WRN: variants seen among roughly 807,000 people sequenced by gnomAD.
WRN encodes WRN RecQ like helicase.
A neutral mutation model predicts 180.7 loss-of-function variants in WRN; 149 were observed. That is an observed-to-expected ratio of 0.82 (90% CI 0.72 to 0.94). WRN has a LOEUF of 0.94. Ranked by LOEUF, WRN falls within the 40% of genes least tolerant of loss-of-function variation. The pLI is 0.00. For synonymous variants in WRN, 548 were observed against 568.9 expected (o/e 0.96, Z 0.52); for missense variants, 1,661 against 1,700.1 (o/e 0.98, Z 0.40).
Position 31,058,574 on chromosome 8 carries a change from G to A in WRN, c.96+31G>A, listed in dbSNP as rs201284343. The A allele has an allele frequency of 1.2e-5, 19 of 1,599,114 alleles. No individual in the cohort carries two copies. The African/African-American group carries it at 2.3e-4, about 19-fold the overall frequency. ...TTGTTCATTGACTATTCTTTTGGGT[G>A]AGAAATTTAATTTATATTTGACTGT... On this transcript the variant is annotated intron_variant, in intron 2 of 34. Coordinates refer to ENST00000298139, the MANE Select transcript of WRN (RefSeq NM_000553.6).
intron 8 of WRN, among the ~76,000 whole-genome samples, chr8:31,076,747 G>GATT (rs1813109516): frequency 6.6e-6 from 1 of 152,108 alleles, no homozygotes. Flanking sequence ...GTTACTATCT[G>GATT]ATTATTACTT....
intron 34 of WRN, 54 bp from the exon 35 acceptor site, chr8:31,172,941 A>G: frequency 6.4e-7 from 1 of 1,552,844 alleles, no homozygotes; most frequent in East Asian, 2.3e-5. Flanking sequence ...TGCAACTAAT[A>G]CCCCTTCTCA....
At position 31,116,451 on chromosome 8, in the gene WRN, T is replaced by G. The variant is rs200169079; in HGVS notation, c.2371T>G (p.Cys791Gly). 5.3e-5 allele frequency: 86 copies of G among 1,613,936 alleles called. No individual in the cohort carries two copies. The highest frequency in any genetic ancestry group is 6.9e-5 in the Non-Finnish European group (82 of 1,179,970). The change falls in exon 20 of 35, where the codon TGT becomes GGT. Residue 791 changes from cysteine (C) to glycine (G), a missense_variant. Physicochemically the swap from Cys to Gly is radical, Grantham distance 159. This residue lies in a region of WRN where 1,141 missense variants were observed against 1,149.4 expected (regional missense o/e 0.99). Coordinates refer to ENST00000298139, the MANE Select transcript of WRN (RefSeq NM_000553.6). ...TGELRKLNLS[C>G]GTYHAGMSFS... is the part of the protein sequence containing the mutation. ...TGAACTTAGGAAACTGAATCTATCC[T>G]GTGGAACATACCATGCGGGCATGAG...
In WRN at chr8:31,124,562, T is replaced by C. The variant is rs377553274; in HGVS notation, c.2671T>C (p.Tyr891His). 5.6e-6 allele frequency: 9 copies of C among 1,613,002 alleles called. No individual in the cohort carries two copies. The highest frequency in any genetic ancestry group is 7.6e-6 in the Non-Finnish European group (9 of 1,179,252). The change falls in exon 22 of 35, where the codon TAC (tyrosine) becomes CAC (histidine). Residue 891 changes from tyrosine to histidine, a missense_variant. This residue lies in a region of WRN where 1,141 missense variants were observed against 1,149.4 expected (regional missense o/e 0.99). Transcript: ENST00000298139. ...GATACGTAATGAGAAGTTTCGATTA[T>C]ACAAATTAAAGATGATGGCAAAGAT... ...TEIRNEKFRL[Y>H]KLKMMAKMEK...
At chr8:31,153,894 C>A (rs1453429557) in intron 31 of WRN, among the ~76,000 whole-genome samples, 1 of 151,776 alleles carries the variant, frequency 6.6e-6, no homozygotes, top group Non-Finnish European at 1.5e-5. Context: ...AAAATGATAC[C>A]AATATCATTC....
rs1389152371 is a variant in WRN, at chr8:31,174,843, CCCTCCCT to C, written c.*1745_*1751del. On this transcript the variant is annotated 3_prime_UTR_variant, in exon 35 of 35. Transcript: ENST00000298139. Reference sequence around the variant, plus strand: ...TTCCTCCCTCCCTCCCTCCCTCCCTCCCTCCCTCCTTTCTTTTTCTTTCTCTTTCTTT... The same window carrying C: ...TTCCTCCCTCCCTCCCTCCCTCCCTCCCTTTCTTTTTCTTTCTCTTTCTTT... Among the ~76,000 whole-genome samples the C allele has an allele frequency of 2.8e-5, 2 of 71,890 alleles. No homozygotes were observed. The highest frequency in any genetic ancestry group is 8.4e-5 in the African/African-American group (2 of 23,708). The allele number at this position is 71,890 out of a possible 152,430, so 47.2% of individuals were successfully genotyped here. A position where few individuals can be genotyped will look rare whatever the true frequency, so the allele number is the denominator to read the frequency against.
chr8:31,059,307 C>T (rs866361372), intron 3 of WRN, 42 bp downstream of exon 3: 4 of 1,485,558 alleles, frequency 2.7e-6, no homozygotes, highest in Middle Eastern at 3.5e-4. Flanking sequence ...AATTTGGACC[C>T]TTAGAAGGTA....
At chr8:31,127,436 C>A (rs1041313982) in intron 23 of WRN, among the ~76,000 whole-genome samples, 11 of 151,962 alleles carry the variant, frequency 7.2e-5, no homozygotes, top group Admixed American at 6.6e-4. Flanking sequence ...AAAATAAAAA[C>A]AAATTATTTA....
chr8:31,124,235 T>C (rs1801832064), intron 21 of WRN, among the ~76,000 whole-genome samples: 2 of 151,818 alleles, frequency 1.3e-5, no homozygotes, highest in Admixed American at 6.6e-5. Context: ...AACCTTAGAG[T>C]TTTTGATACT....
At position 31,176,010 on chromosome 8, in the gene WRN, G is replaced by A. The variant is rs932902323; in HGVS notation, c.*2908G>A. Among the ~76,000 whole-genome samples the A allele has an allele frequency of 1.6e-4, 25 of 152,082 alleles. No homozygotes were observed. The highest frequency in any genetic ancestry group is 6.0e-4 in the African/African-American group (25 of 41,404). ...TCAGTGATTTTTTTTTAAGAGTATGGAAGGGTTCTCAGACCTAAGAGATTG... is the reference window on the plus strand; with the variant it reads ...TCAGTGATTTTTTTTTAAGAGTATGAAAGGGTTCTCAGACCTAAGAGATTG... On this transcript the variant is annotated 3_prime_UTR_variant, in exon 35 of 35. Coordinates refer to ENST00000298139, the MANE Select transcript of WRN (RefSeq NM_000553.6).
intron 18 of WRN, among the ~76,000 whole-genome samples, chr8:31,109,132 A>G (rs1345518298): frequency 1.3e-5 from 2 of 152,182 alleles, no homozygotes; most frequent in Non-Finnish European, 2.9e-5. Flanking sequence ...TACCAGCTGT[A>G]GTGTGGTCTA....
chr8:31,156,680 C>T (rs967120674), intron 32 of WRN, among the ~76,000 whole-genome samples: 4 of 152,146 alleles, frequency 2.6e-5, no homozygotes, highest in Non-Finnish European at 5.9e-5. Context: ...AGCTGAGTGA[C>T]AAAGCTTTCT....
chr8:31,146,846 TTAACTTTA>T (rs1802873695), intron 28 of WRN, among the ~76,000 whole-genome samples, 199 bp from the exon 29 acceptor site: 1 of 152,296 alleles, frequency 6.6e-6, no homozygotes, highest in Non-Finnish European at 1.5e-5. Context: ...AATTGCAATT[TTAACTTTA>T]CCATTATAAT....
chr8:31,077,626 G>A (rs1237595786), intron 8 of WRN, among the ~76,000 whole-genome samples: 1 of 152,140 alleles, frequency 6.6e-6, no homozygotes, highest in Non-Finnish European at 1.5e-5. Context: ...TGAAATTAGA[G>A]CAGCCACCTT....
intron 16 of WRN, among the ~76,000 whole-genome samples, chr8:31,095,204 T>C (rs1033085604): frequency 2.6e-5 from 4 of 152,332 alleles, no homozygotes; most frequent in African/African-American, 9.6e-5. Context: ...TTGAGCATTT[T>C]TCATACACTT....
chr8:31,170,611 A>G (rs1804065509), intron 34 of WRN, among the ~76,000 whole-genome samples: 1 of 152,186 alleles, frequency 6.6e-6, no homozygotes, highest in Admixed American at 6.5e-5. Flanking sequence ...TAATCAGCAA[A>G]TGAGTTGATG....
intron 18 of WRN, among the ~76,000 whole-genome samples, chr8:31,101,787 CAAAA>C (rs60342321): frequency 2.4e-5 from 1 of 42,054 alleles, no homozygotes; most frequent in Non-Finnish European, 4.7e-5. Flanking sequence ...AACTCTGTCT[CAAAA>C]AAAAAAAAAA....
chr8:31,061,307 TTATCTC>T (rs1812475687), intron 3 of WRN, among the ~76,000 whole-genome samples: 1 of 152,118 alleles, frequency 6.6e-6, no homozygotes, highest in Non-Finnish European at 1.5e-5. Context: ...CATATTTTGT[TTATCTC>T]TAGAAGTCCC....
chr8:31,166,927 C>T lies in WRN; in HGVS notation c.3983-95C>T, dbSNP rs4987036. ...CTTTTCTTTGGCAACCTTCCACCTT[C>T]CTTTCTACAGAATATTTCAGTATTT... On this transcript the variant is annotated intron_variant, in intron 33 of 34. Coordinates refer to ENST00000298139, the MANE Select transcript of WRN (RefSeq NM_000553.6). 360,303 of 1,253,908 alleles carry T rather than the reference C, an allele frequency of 0.29. 52,924 individuals are homozygous for T. Among genetic ancestry groups the T allele is most frequent in the Middle Eastern group, 0.34 (1,429 of 4,224 alleles). The allele number at this position is 1,253,908 out of a possible 1,614,324, so 77.7% of individuals were successfully genotyped here.
Sources: allele counts gnomAD v4.1 joint callset (sites outside exome capture counted in the v4.1 genomes callset), GRCh38; gene constraint gnomAD v4.1.1; regional missense constraint gnomAD v4.1.1; transcripts MANE v1.5; gene names NCBI Gene and HGNC (gene_info 2026-07-23, HGNC 2026-07-21).